CSPP1: variants seen among roughly 807,000 people sequenced by gnomAD.
CSPP1 encodes centrosome and spindle pole-associated protein 1.
CSPP1 carries 126 observed loss-of-function variants against 164.4 expected under a neutral mutation model. The ratio of observed to expected loss-of-function variants is 0.77; its 90% confidence interval spans 0.66 to 0.89. The LOEUF (loss-of-function observed/expected upper bound fraction) is 0.89. Among genes scored for constraint, CSPP1 ranks in the 40% least tolerant of loss-of-function variants. The probability of loss-of-function intolerance (pLI) is 0.00; values close to 1 mark genes in which losing one functional copy is unlikely to be tolerated. For missense variants in CSPP1, 1,395 were observed against 1,449.8 expected (o/e 0.96, Z 0.61); for synonymous variants, 472 against 476.7 (o/e 0.99, Z 0.13).
chr8:67,168,166 G>A (rs948833745), intron 24 of CSPP1, among the ~76,000 whole-genome samples: 5 of 152,254 alleles, frequency 3.3e-5, no homozygotes, highest in African/African-American at 7.2e-5. Flanking sequence ...GCGTGGTGGC[G>A]CGCGCCTATA....
In CSPP1 at chr8:67,110,146, A is replaced by G. The variant is rs1345116731; in HGVS notation, c.1094-1826A>G. Among the ~76,000 whole-genome samples the G allele has an allele frequency of 2.0e-5, 3 of 149,746 alleles. No homozygotes were observed. The East Asian group carries it at 5.9e-4, about 29-fold the overall frequency. ...GCTCTGTGCTAGATCCTGTTTGCTT[A>G]TCTGTCCAGGTGCAGTCTGAGGTTT... On this transcript the variant is annotated intron_variant, in intron 9 of 30. Transcript: ENST00000678616.
chr8:67,164,512 A>C lies in CSPP1; in HGVS notation c.2828+4A>C. ...GTGATGATGAAATTCCTATCAGGCA[A>C]GTTTAGAATTGCAGTTTTTGTGTTC... On this transcript the variant is annotated splice_donor_region_variant and intron_variant, in intron 24 of 30. Coordinates refer to ENST00000678616, the MANE Select transcript of CSPP1 (RefSeq NM_001382391.1). The C allele has an allele frequency of 7.2e-7, 1 of 1,387,644 alleles. No individual in the cohort carries two copies. The highest frequency in any genetic ancestry group is 1.2e-5 in the South Asian group (1 of 84,030). The allele number at this position is 1,387,644 out of a possible 1,614,324, so 86.0% of individuals were successfully genotyped here.
chr8:67,169,744 C>T (rs1830125928), intron 24 of CSPP1, among the ~76,000 whole-genome samples: 1 of 151,148 alleles, frequency 6.6e-6, no homozygotes, highest in Admixed American at 6.6e-5. Flanking sequence ...CCGGCCAGTA[C>T]CATATTTCTT....
chr8:67,193,482 GT>G lies in CSPP1; in HGVS notation c.3350del (p.Val1117GlufsTer8), dbSNP rs756306327. On this transcript the variant is annotated frameshift_variant, in exon 30 of 31. Transcript: ENST00000678616. LOFTEE classifies it high-confidence loss of function. ...ACTACAGGATAGCAGTCGTCCTAAT[GT>G]AGCACCAGATGGTCTCTCTCTAAAA... is the stretch of plus-strand genomic sequence containing the variant. ...GLDIDSSRPN[V>X]APDGLSLKSI... The G allele has an allele frequency of 6.2e-7, 1 of 1,613,468 alleles. No individual in the cohort carries two copies. The highest frequency in any genetic ancestry group is 8.5e-7 in the Non-Finnish European group (1 of 1,179,434).
Position 67,163,818 on chromosome 8 carries a change from C to G in CSPP1, c.2710+20C>G. 2 of 1,554,172 alleles carry G rather than the reference C, an allele frequency of 1.3e-6. No individual in the cohort carries two copies. Among genetic ancestry groups the G allele is most frequent in the Non-Finnish European group, 1.8e-6 (2 of 1,131,646 alleles). On this transcript the variant is annotated intron_variant, in intron 23 of 30. Coordinates refer to ENST00000678616, the MANE Select transcript of CSPP1 (RefSeq NM_001382391.1). ...CAGAAGGTAGAGTTAACTACTAAACCTGTTACCTAGAGTATTTCTCTTTTT... is the reference window on the plus strand; with the variant it reads ...CAGAAGGTAGAGTTAACTACTAAACGTGTTACCTAGAGTATTTCTCTTTTT...
At chr8:67,086,952 T>G in intron 4 of CSPP1, 8 of 521,276 alleles carry the variant, frequency 1.5e-5, no homozygotes, top group South Asian at 1.4e-4. Flanking sequence ...TCAAACCAAT[T>G]AGGAAAACGG....
intron 12 of CSPP1, among the ~76,000 whole-genome samples, chr8:67,115,626 A>G (rs944910915): frequency 5.9e-5 from 9 of 152,284 alleles, no homozygotes; most frequent in African/African-American, 2.2e-4. Context: ...ACCTGAGATC[A>G]TGCCACTGCA....
chr8:67,125,628 A>T (rs1288256023), intron 15 of CSPP1, among the ~76,000 whole-genome samples: 1 of 151,924 alleles, frequency 6.6e-6, no homozygotes, highest in Non-Finnish European at 1.5e-5. Context: ...ATTTTTCTTC[A>T]GTCTTTTTCT....
chr8:67,064,803 C>A, intron 1 of CSPP1: 2 of 290,782 alleles, frequency 6.9e-6, no homozygotes, highest in East Asian at 7.1e-5. Flanking sequence ...GTGAGGCCGG[C>A]ATCGGTGACT....
chr8:67,116,822 T>A lies in CSPP1; in HGVS notation c.1496+700T>A, dbSNP rs140796355. Among the ~76,000 whole-genome samples, 3 of 152,246 alleles carry A rather than the reference T, an allele frequency of 2.0e-5. No individual in the cohort carries two copies. In the East Asian group the frequency reaches 5.8e-4, roughly 29 times the overall value. ...TAAAATATATTTAAATTTAGAGGTG[T>A]TTTTCTTAACTTTTTTGAACATTGA... On this transcript the variant is annotated intron_variant, in intron 13 of 30. Transcript: ENST00000678616.
intron 4 of CSPP1, among the ~76,000 whole-genome samples, chr8:67,089,831 A>C (rs961386754): frequency 6.6e-6 from 1 of 151,146 alleles, no homozygotes; most frequent in African/African-American, 2.4e-5. Flanking sequence ...AATAAAAAAA[A>C]GTTTTTTTTT....
At chr8:67,150,276 A>AGCT (rs1281881744) in intron 18 of CSPP1, among the ~76,000 whole-genome samples, 1 of 152,190 alleles carries the variant, frequency 6.6e-6, no homozygotes, top group African/African-American at 2.4e-5. Flanking sequence ...TTATATCCAT[A>AGCT]GCTGTTTGAA....
In CSPP1 at chr8:67,076,976, C is replaced by G. The variant is rs998092657; in HGVS notation, c.199+395C>G. 1.4e-4 allele frequency among the ~76,000 whole-genome samples: 22 copies of G among 152,014 alleles called. 1 individual carries two copies. Among genetic ancestry groups the G allele is most frequent in the Non-Finnish European group, 1.2e-4 (8 of 68,010 alleles). ...GTACAAAATGCTGTTTGGTGAAAGACTATTTTAATTATTGATGATCATGTT... is the reference window on the plus strand; with the variant it reads ...GTACAAAATGCTGTTTGGTGAAAGAGTATTTTAATTATTGATGATCATGTT... On this transcript the variant is annotated intron_variant, in intron 3 of 30. Transcript: ENST00000678616.
At chr8:67,139,450 C>T (rs1823035688) in intron 17 of CSPP1, among the ~76,000 whole-genome samples, 1 of 152,070 alleles carries the variant, frequency 6.6e-6, no homozygotes, top group South Asian at 2.1e-4. Flanking sequence ...CCTCAGGGAT[C>T]TAGAACTAGA....
chr8:67,162,034 A>C (rs1828461772), intron 22 of CSPP1, 119 bp downstream of exon 22: 1 of 665,034 alleles, frequency 1.5e-6, no homozygotes, highest in Admixed American at 2.6e-5. Context: ...TCTGAAATAT[A>C]GGTGATATCT....
intron 15 of CSPP1, among the ~76,000 whole-genome samples, 181 bp from the exon 16 acceptor site, chr8:67,131,770 A>C (rs1262495382): frequency 1.3e-4 from 20 of 152,234 alleles, no homozygotes; most frequent in Admixed American, 1.3e-3. Flanking sequence ...AAGGATTGTC[A>C]AAGCAAAGGC....
At chr8:67,083,544 A>AT (rs1485255533) in intron 3 of CSPP1, 47 of 130,242 alleles carry the variant, frequency 3.6e-4, no homozygotes, top group South Asian at 1.6e-3. Context: ...AAAAAAAAAA[A>AT]AAAAATATAT....
At chr8:67,132,884 TGA>T (rs1821511394) in intron 16 of CSPP1, among the ~76,000 whole-genome samples, 1 of 152,234 alleles carries the variant, frequency 6.6e-6, no homozygotes, top group Admixed American at 6.5e-5. Context: ...CCTTACCATC[TGA>T]GAGGACCCTG....
chr8:67,188,379 C>T (rs1480373124), intron 28 of CSPP1, among the ~76,000 whole-genome samples: 1 of 152,166 alleles, frequency 6.6e-6, no homozygotes, highest in African/African-American at 2.4e-5. Context: ...TGTAACTCAG[C>T]TCACACCCAA....
Sources: gnomAD v4.1 joint callset for allele counts (sites outside exome capture counted in the v4.1 genomes callset) on GRCh38, gnomAD v4.1.1 for gene constraint, MANE v1.5 for transcripts, NCBI Gene and HGNC (gene_info 2026-07-23, HGNC 2026-07-21) for gene names.